The following CCDC33 variants were observed in gnomAD, a reference collection of about 807,000 sequenced individuals.
CCDC33 encodes coiled-coil domain containing 33.
A neutral mutation model predicts 91.9 loss-of-function variants in CCDC33; 94 were observed. The ratio of observed to expected loss-of-function variants is 1.02; its 90% CI spans 0.87 to 1.21. The LOEUF is 1.21. Among genes scored for constraint, CCDC33 ranks in the 50% most tolerant of loss-of-function variants. The pLI is 0.00. For synonymous variants in CCDC33, 396 were observed against 374.5 expected, an observed-to-expected ratio of 1.06 and a Z score of -0.66; for missense variants, 940 against 935.5, an observed-to-expected ratio of 1.00 and a Z score of -0.06.
chr15:74,229,006 G>C (rs2074888410), intron 2 of CCDC33, among the ~76,000 whole-genome samples: 1 of 152,110 alleles, frequency 6.6e-6, no homozygotes, highest in African/African-American at 2.4e-5. Context: ...GGAGCCCCTC[G>C]GACTTGCTGG....
chr15:74,280,166 A>C, intron 8 of CCDC33, 74 bp downstream of exon 8: 2 of 1,554,346 alleles, frequency 1.3e-6, no homozygotes, highest in Non-Finnish European at 1.8e-6. Context: ...TGTTCAGACC[A>C]TCCCACCTCT....
upstream of CCDC33, among the ~76,000 whole-genome samples, chr15:74,214,027 G>A (rs2074392047): frequency 6.6e-6 from 1 of 152,104 alleles, no homozygotes; most frequent in South Asian, 2.1e-4. Context: ...TGCTTGCCAG[G>A]ATTCAGCTCT....
intron 5 of CCDC33, 145 bp downstream of exon 5, chr15:74,268,603 C>T (rs1028441767): frequency 3.8e-5 from 23 of 610,948 alleles, no homozygotes; most frequent in African/African-American, 3.3e-4. Flanking sequence ...GCAACCAGGC[C>T]TTTCCAAAAT....
chr15:74,292,340 A>G (rs1260541161), intron 10 of CCDC33, among the ~76,000 whole-genome samples: 3 of 152,150 alleles, frequency 2.0e-5, no homozygotes, highest in African/African-American at 7.2e-5. Context: ...GGCCCTCTCT[A>G]TGGTCTCAGG....
At chr15:74,214,127 G>A (rs907870846), upstream of CCDC33, among the ~76,000 whole-genome samples, 1 of 152,020 alleles carries the variant, frequency 6.6e-6, no homozygotes, top group Non-Finnish European at 1.5e-5. Flanking sequence ...GGGGCCATGG[G>A]GGTGTGTCAG....
At chr15:74,280,900 C>A in intron 9 of CCDC33, 99 bp downstream of exon 9, 2 of 1,213,948 alleles carry the variant, frequency 1.6e-6, no homozygotes, top group Non-Finnish European at 2.1e-6. Context: ...GAGAATTTGG[C>A]TTCTCCAGAA....
At chr15:74,317,582 T>C (rs944359601) in intron 11 of CCDC33, among the ~76,000 whole-genome samples, 6 of 152,148 alleles carry the variant, frequency 3.9e-5, no homozygotes, top group African/African-American at 9.7e-5. Context: ...TGTGCCACCA[T>C]TGAGGCCCCA....
chr15:74,205,562 C>T (rs1358889358), intron 1 of CCDC33, among the ~76,000 whole-genome samples: 1 of 152,228 alleles, frequency 6.6e-6, no homozygotes, highest in Non-Finnish European at 1.5e-5. Context: ...AAACACCACA[C>T]ACCAGGCCTC....
Position 74,262,561 on chromosome 15 carries a change from G to C in CCDC33, c.307G>C (p.Ala103Pro). 1 of 1,613,208 alleles carries C rather than the reference G, an allele frequency of 6.2e-7. No homozygotes were observed. Among genetic ancestry groups the C allele is most frequent in the Non-Finnish European group, 8.5e-7 (1 of 1,179,676 alleles). The change falls in exon 3 of 19, where the codon GCA (alanine) becomes CCA (proline). Residue 103 changes from alanine (A) to proline (P), a missense_variant. Physicochemically the swap from Ala to Pro is conservative, Grantham distance 27. Coordinates refer to ENST00000398814, the MANE Select transcript of CCDC33 (RefSeq NM_025055.5). ...TVNVEIQAEDAGQEDVILKVV... is the reference protein window; with the variant it reads ...TVNVEIQAEDPGQEDVILKVV... ...GAATGTGGAGATCCAAGCTGAGGATGCAGGGCAAGAAGGTAAGCAGGGGCT... is the reference window on the plus strand; with the variant it reads ...GAATGTGGAGATCCAAGCTGAGGATCCAGGGCAAGAAGGTAAGCAGGGGCT...
At chr15:74,219,193 G>T (rs1405563848) in intron 2 of CCDC33, among the ~76,000 whole-genome samples, 1 of 152,250 alleles carries the variant, frequency 6.6e-6, no homozygotes, top group African/African-American at 2.4e-5. Context: ...CGAGTGACCA[G>T]GGGACAGAAG....
At chr15:74,271,871 C>A in intron 6 of CCDC33, 77 bp downstream of exon 6, 1 of 1,280,818 alleles carries the variant, frequency 7.8e-7, no homozygotes. Context: ...GTCATTGCTG[C>A]CATGGGCTGA....
chr15:74,296,419 G>A lies in CCDC33; in HGVS notation c.1290+471G>A, dbSNP rs529037034. Among the ~76,000 whole-genome samples the A allele has an allele frequency of 2.4e-3, 367 of 152,260 alleles. 4 individuals are homozygous for A. Among genetic ancestry groups the A allele is most frequent in the African/African-American group, 8.5e-3 (354 of 41,554 alleles). On this transcript the variant is annotated intron_variant, in intron 11 of 18. Transcript: ENST00000398814. ...GCGGGCGGGTCACCCGAGGTCGGGA[G>A]TTCGAGACCAGCCTGACCTACATGG... is the stretch of plus-strand genomic sequence containing the variant.
chr15:74,295,703 G>A, intron 10 of CCDC33, 51 bp from the exon 11 acceptor site: 1 of 1,478,174 alleles, frequency 6.8e-7, no homozygotes, highest in South Asian at 1.3e-5. Flanking sequence ...ATGGTAGATG[G>A]GCACAGAGAA....
At chr15:74,317,887 G>GT (rs71137385) in intron 11 of CCDC33, among the ~76,000 whole-genome samples, 2,154 of 110,258 alleles carry the variant, frequency 0.02, 34 homozygotes, top group African/African-American at 0.044. Context: ...GTTTGGGTTT[G>GT]TTTTTTTTTT....
intron 3 of CCDC33, among the ~76,000 whole-genome samples, chr15:74,263,897 C>T (rs1371785469): frequency 6.6e-6 from 1 of 151,996 alleles, no homozygotes; most frequent in African/African-American, 2.4e-5. Flanking sequence ...GTGTGTGTGG[C>T]TCTGTGTGTA....
rs117033475 is a variant in CCDC33 at position 74,217,391 on chromosome 15, G to A, written c.120G>A (p.Ala40=). 2,979 of 1,289,898 alleles carry A rather than the reference G, an allele frequency of 2.3e-3. 8 individuals are homozygous for A. The highest frequency in any genetic ancestry group is 7.4e-3 in the East Asian group (134 of 18,032). 79.9% of individuals were successfully genotyped at this position (1,289,898 alleles called of 1,614,324 possible). A position where few individuals can be genotyped will look rare whatever the true frequency, so the allele number is the denominator to read the frequency against. The stretch of plus-strand genomic sequence containing the variant: ...TTTTGAGCGTGGGGTTTAATGAGGC[G>A]GGTAGATACGCCCTGAGACTGTCAG... The change falls in exon 1 of 3, where the codon GCG becomes GCA. Residue 40 remains alanine, a synonymous_variant. Coordinates refer to the CCDC33 transcript ENST00000635913.
intron 10 of CCDC33, among the ~76,000 whole-genome samples, chr15:74,285,780 G>A (rs2059461372): frequency 6.6e-6 from 1 of 152,198 alleles, no homozygotes; most frequent in Admixed American, 6.5e-5. Context: ...GCTGCTTAAA[G>A]TGATCTGCAT....
intron 1 of CCDC33, among the ~76,000 whole-genome samples, chr15:74,242,724 C>G (rs927622774): frequency 1.3e-5 from 2 of 151,898 alleles, no homozygotes; most frequent in Admixed American, 6.6e-5. Context: ...CAGTGGAGGA[C>G]CAGGGCCAGG....
At chr15:74,241,339 C>A (rs1454066193) in intron 1 of CCDC33, among the ~76,000 whole-genome samples, 1 of 152,160 alleles carries the variant, frequency 6.6e-6, no homozygotes, top group Non-Finnish European at 1.5e-5. Flanking sequence ...ACCAGGCAAG[C>A]CAAGGGAAGT....
Sources: gnomAD v4.1 joint callset for allele counts (sites outside exome capture counted in the v4.1 genomes callset) on GRCh38, gnomAD v4.1.1 for gene constraint, MANE v1.5 for transcripts, NCBI Gene and HGNC (gene_info 2026-07-23, HGNC 2026-07-21) for gene names.